Variants in PHEX observed in about 807,000 individuals in gnomAD.
PHEX encodes the protein phosphate-regulating neutral endopeptidase PHEX.
PHEX carries 16 observed loss-of-function variants against 68.0 expected under a neutral mutation model. The observed-to-expected ratio is 0.24, with a 90% CI of 0.16 to 0.36. The LOEUF is 0.36. PHEX is among the 10% of genes least tolerant of loss of function. The pLI, the probability that PHEX is intolerant of heterozygous loss-of-function variation, is 1.00. For missense variants in PHEX, 480 were observed against 575.5 expected (o/e 0.83, Z 1.70); for synonymous variants, 208 against 205.1 (o/e 1.01, Z -0.12).
chrX:22,246,895 G>A (rs1358991657), intron 21 of PHEX, among the ~76,000 whole-genome samples: 1 of 111,887 alleles, frequency 8.9e-6, no homozygotes, highest in East Asian at 2.8e-4. Context: ...CTTTGAACAC[G>A]GAGTTGAGTA....
chrX:22,130,642 G>A (rs1389545084), intron 11 of PHEX, among the ~76,000 whole-genome samples: 1 of 109,608 alleles, frequency 9.1e-6, no homozygotes, highest in Non-Finnish European at 1.9e-5. Context: ...TCCTCCTGAT[G>A]TGGGTTTTCT....
At chrX:22,172,162 T>C (rs1334162643) in intron 13 of PHEX, 2 of 111,983 alleles carry the variant, frequency 1.8e-5, no homozygotes, top group Non-Finnish European at 3.8e-5. Flanking sequence ...TGCCCTTTAT[T>C]TGAACCCCCA....
intron 12 of PHEX, among the ~76,000 whole-genome samples, chrX:22,157,711 T>G (rs1387717712): frequency 2.7e-5 from 3 of 112,332 alleles, no homozygotes; most frequent in Non-Finnish European, 1.9e-5. Context: ...TGGTGCTTGT[T>G]TATAATTTGG....
In PHEX at chrX:22,066,488, G is replaced by A. The variant is rs942141579; in HGVS notation, c.350-9900G>A. Among the ~76,000 whole-genome samples the A allele has an allele frequency of 1.2e-4, 13 of 112,135 alleles. 1 individual carries two copies. The highest frequency in any genetic ancestry group is 3.8e-5 in the Non-Finnish European group (2 of 53,188). On this transcript the variant is annotated intron_variant, in intron 3 of 21. Coordinates refer to ENST00000379374, the MANE Select transcript of PHEX (RefSeq NM_000444.6). The stretch of plus-strand genomic sequence containing the variant: ...TTTTGTCAAGCACCCCCACTCATGG[G>A]GCAAAATCTGCCAGGGAAGTCATGG...
chrX:22,127,364 T>C (rs770003323), intron 11 of PHEX, among the ~76,000 whole-genome samples: 10 of 111,461 alleles, frequency 9.0e-5, no homozygotes, highest in African/African-American at 2.6e-4. Flanking sequence ...TTTCTATTAA[T>C]GTTATATGCT....
In PHEX at chrX:22,032,798, G is replaced by A. The variant is rs780387907; in HGVS notation, c.-208G>A. The A allele has an allele frequency of 4.7e-6, 2 of 429,321 alleles. No individual in the cohort carries two copies. The highest frequency in any genetic ancestry group is 4.0e-5 in the East Asian group (1 of 25,113). The allele number at this position is 429,321 out of a possible 1,213,427, so 35.4% of individuals were successfully genotyped here. On this transcript the variant is annotated 5_prime_UTR_variant, in exon 1 of 22. Transcript: ENST00000379374. The stretch of plus-strand genomic sequence containing the variant: ...TTTGTCTAGTCAGGGGGAAAGCCAA[G>A]GCAACCAATATTTTGGTTTTTATAA...
intron 2 of PHEX, among the ~76,000 whole-genome samples, chrX:22,041,737 G>T (rs1303885353): frequency 9.1e-6 from 1 of 110,278 alleles, no homozygotes; most frequent in African/African-American, 3.3e-5. Flanking sequence ...TGTGTGAAAT[G>T]GGAATTTTTG....
intron 11 of PHEX, among the ~76,000 whole-genome samples, chrX:22,118,339 CAAAAAAAAAAAAA>C (rs1157170753): frequency 9.5e-5 from 2 of 21,111 alleles, no homozygotes; most frequent in Non-Finnish European, 1.7e-4. Flanking sequence ...TAAACAGCAC[CAAAAAAAAAAAAA>C]AAAAAAAAAA....
intron 2 of PHEX, among the ~76,000 whole-genome samples, chrX:22,039,701 T>C (rs1159624285): frequency 8.9e-6 from 1 of 111,952 alleles, no homozygotes; most frequent in African/African-American, 3.3e-5. Context: ...GTTTTGTGCA[T>C]CAACCTAGAT....
At chrX:22,188,351 T>C (rs1934096600) in intron 14 of PHEX, among the ~76,000 whole-genome samples, 1 of 111,850 alleles carries the variant, frequency 8.9e-6, no homozygotes. Context: ...TATATTTGCA[T>C]GCCACTGCTG....
chrX:22,248,000 C>T lies in PHEX; in HGVS notation c.*47C>T, dbSNP rs370155243. On this transcript the variant is annotated 3_prime_UTR_variant, in exon 22 of 22. Coordinates refer to ENST00000379374, the MANE Select transcript of PHEX (RefSeq NM_000444.6). ...TCCTGAGACAGTTGCACAGTGCCAG[C>T]GGAGGCTGCACTGAGCCTTCATCGC... 1.4e-4 allele frequency: 131 copies of T among 916,456 alleles called. No homozygotes were observed. Among genetic ancestry groups the T allele is most frequent in the Non-Finnish European group, 1.9e-4 (120 of 627,598 alleles). The allele number at this position is 916,456 out of a possible 1,213,427, so 75.5% of individuals were successfully genotyped here. A position where few individuals can be genotyped will look rare whatever the true frequency, so the allele number is the denominator to read the frequency against.
chrX:22,216,119 A>G (rs1312414374), intron 16 of PHEX, among the ~76,000 whole-genome samples: 2 of 111,770 alleles, frequency 1.8e-5, no homozygotes, highest in Admixed American at 9.5e-5. Context: ...GGGTATTATA[A>G]CCATTTGAAT....
chrX:22,167,462 G>A (rs1472908818), intron 12 of PHEX, among the ~76,000 whole-genome samples: 1 of 101,202 alleles, frequency 9.9e-6, no homozygotes, highest in South Asian at 4.4e-4. Context: ...GTATTTTCAC[G>A]TTATTTTCCC....
chrX:22,142,030 C>T (rs958748632), intron 12 of PHEX, among the ~76,000 whole-genome samples: 8 of 111,857 alleles, frequency 7.2e-5, no homozygotes, highest in South Asian at 3.7e-4. Context: ...GCGGGTGGAT[C>T]GCTAGAGGTC....
intron 11 of PHEX, among the ~76,000 whole-genome samples, 173 bp from the exon 12 acceptor site, chrX:22,133,350 A>G (rs2147086102): frequency 8.9e-6 from 1 of 112,057 alleles, no homozygotes; most frequent in Admixed American, 9.5e-5. Context: ...GGTGGAAAAA[A>G]GGGAATTTTC....
chrX:22,217,814 T>C (rs1248317261), intron 16 of PHEX, among the ~76,000 whole-genome samples: 1 of 111,766 alleles, frequency 8.9e-6, no homozygotes, highest in Non-Finnish European at 1.9e-5. Flanking sequence ...GTGGCCTCAA[T>C]AGAACTTACA....
intron 14 of PHEX, among the ~76,000 whole-genome samples, chrX:22,189,136 T>A (rs1169251299): frequency 8.9e-6 from 1 of 112,970 alleles, no homozygotes; most frequent in African/African-American, 3.2e-5. Flanking sequence ...TGAATAGTAC[T>A]CCATTGTGTA....
intron 11 of PHEX, among the ~76,000 whole-genome samples, chrX:22,129,323 G>C (rs750902763): frequency 8.9e-6 from 1 of 111,971 alleles, no homozygotes; most frequent in Non-Finnish European, 1.9e-5. Context: ...GTTGCCCATA[G>C]GTAACTGAAA....
chrX:22,040,943 G>A (rs1234062445), intron 2 of PHEX, among the ~76,000 whole-genome samples: 1 of 109,954 alleles, frequency 9.1e-6, no homozygotes, highest in African/African-American at 3.3e-5. Flanking sequence ...GGTGACTCAA[G>A]TAGGTTTATT....
Sources: gnomAD v4.1 joint callset for allele counts (sites outside exome capture counted in the v4.1 genomes callset) on GRCh38, gnomAD v4.1.1 for gene constraint, MANE v1.5 for transcripts, NCBI Gene and HGNC (gene_info 2026-07-23, HGNC 2026-07-21) for gene names.